Variants in TBCD observed in about 807,000 individuals in gnomAD.
TBCD encodes tubulin-specific chaperone D.
TBCD carries 105 observed loss-of-function variants against 169.3 expected under a neutral mutation model. That is an observed-to-expected ratio of 0.62 (90% CI 0.53 to 0.73). The LOEUF is 0.73. Among genes scored for constraint, TBCD ranks in the 30% least tolerant of loss-of-function variants. TBCD has a pLI of 0.00. For missense variants in TBCD, 1,444 were observed against 1,600.1 expected (o/e 0.90, Z 1.66); for synonymous variants, 700 against 643.9 (o/e 1.09, Z -1.32).
intron 13 of TBCD, among the ~76,000 whole-genome samples, chr17:82,843,992 T>G (rs2054774913): frequency 6.6e-6 from 1 of 151,632 alleles, no homozygotes; most frequent in South Asian, 2.1e-4. Flanking sequence ...CTTTCCTTTA[T>G]CCTCAGTAGT....
At chr17:82,877,565 C>T (rs932945940) in intron 14 of TBCD, among the ~76,000 whole-genome samples, 1 of 152,170 alleles carries the variant, frequency 6.6e-6, no homozygotes, top group Non-Finnish European at 1.5e-5. Flanking sequence ...TGTTCTCGAA[C>T]TCCTGATCTC....
At chr17:82,781,531 T>TGAGGC in intron 6 of TBCD, 58 bp from the exon 7 acceptor site, 1 of 1,596,458 alleles carries the variant, frequency 6.3e-7, no homozygotes, top group Non-Finnish European at 8.5e-7. Flanking sequence ...GGTGGGCTGG[T>TGAGGC]GAGGCGTGGG....
At position 82,752,355 on chromosome 17, in the gene TBCD, G is replaced by C; in HGVS notation, c.162G>C (p.Glu54Asp). ...TGCACGGCGGCGGCGCGGAGCGCGA[G>C]GTGGCCCTGGAGCGGTTCCGCGGTG... The part of the protein sequence containing the change: ...REVHGGGAER[E>D]VALERFRVIM... Residue 54 changes from glutamate (E) to aspartate (D), a missense_variant, in exon 1 of 39, where the codon GAG (glutamate) becomes GAC (aspartate). Transcript: ENST00000355528. The C allele has an allele frequency of 7.2e-7, 1 of 1,397,976 alleles. No individual in the cohort carries two copies. Among genetic ancestry groups the C allele is most frequent in the Non-Finnish European group, 9.2e-7 (1 of 1,088,694 alleles). The allele number at this position is 1,397,976 out of a possible 1,614,324, so 86.6% of individuals were successfully genotyped here. A position where few individuals can be genotyped will look rare whatever the true frequency, so the allele number is the denominator to read the frequency against.
chr17:82,795,018 C>A (rs750754047), intron 7 of TBCD, among the ~76,000 whole-genome samples: 16 of 152,184 alleles, frequency 1.1e-4, no homozygotes, highest in Non-Finnish European at 2.2e-4. Flanking sequence ...TGGGCTGGGC[C>A]TTTCCAGGTG....
rs574803294 is a variant in TBCD at position 82,847,136 on chromosome 17, G to C, written c.1319-23088G>C. 2.6e-5 allele frequency among the ~76,000 whole-genome samples: 4 copies of C among 152,132 alleles called. No homozygotes were observed. In the South Asian group the frequency reaches 6.2e-4, roughly 24 times the overall value. ...GGAGGCCAAGGTGGGCGGATCATGA[G>C]GTCAGGAGATCGAGACCATCTTGTC... is the stretch of plus-strand genomic sequence containing the variant. On this transcript the variant is annotated intron_variant, in intron 13 of 38. Transcript: ENST00000355528.
At chr17:82,937,192 C>T (rs760978325) in intron 34 of TBCD, 79 bp from the exon 35 acceptor site, 284 of 1,362,216 alleles carry the variant, frequency 2.1e-4, no homozygotes, top group Middle Eastern at 1.3e-3. Flanking sequence ...ACGGAGTTGA[C>T]CTTCTTTGAG....
intron 13 of TBCD, among the ~76,000 whole-genome samples, chr17:82,837,305 CTGTG>C (rs2054072851): frequency 6.6e-6 from 1 of 152,242 alleles, no homozygotes. Flanking sequence ...GAAATAGTCT[CTGTG>C]TGGTCAGTTT....
At chr17:82,883,436 G>C (rs946049907) in intron 14 of TBCD, among the ~76,000 whole-genome samples, 6 of 152,378 alleles carry the variant, frequency 3.9e-5, no homozygotes, top group Non-Finnish European at 7.3e-5. Flanking sequence ...AACTGAGCTG[G>C]GTGATCTCAC....
chr17:82,906,687 G>A (rs757852444), intron 20 of TBCD, among the ~76,000 whole-genome samples: 1 of 152,236 alleles, frequency 6.6e-6, no homozygotes, highest in Non-Finnish European at 1.5e-5. Flanking sequence ...TTTAAGAAAC[G>A]TTTTTAAGTT....
In TBCD at chr17:82,943,194, G is replaced by GTCTT. The variant is rs1568122260; in HGVS notation, c.*732_*735dup. The GTCTT allele has an allele frequency of 6.6e-6, 1 of 152,342 alleles. No individual in the cohort carries two copies. Among genetic ancestry groups the GTCTT allele is most frequent in the Admixed American group, 6.5e-5 (1 of 15,290 alleles). The allele number at this position is 152,342 out of a possible 1,614,324, so 9.4% of individuals were successfully genotyped here. On this transcript the variant is annotated 3_prime_UTR_variant, in exon 39 of 39. Coordinates refer to ENST00000355528, the MANE Select transcript of TBCD (RefSeq NM_005993.5). ...ATACCATTCTTGAAATAATTACACT[G>GTCTT]TCTTAGGAGAGCCTGGGCAGAGTCC...
chr17:82,860,429 A>G, intron 13 of TBCD: 1 of 985,494 alleles, frequency 1.0e-6, no homozygotes, highest in Admixed American at 6.1e-5. Flanking sequence ...AGGGGGACAG[A>G]CACAGGTGGA....
chr17:82,901,255 G>A (rs572313930), intron 18 of TBCD, among the ~76,000 whole-genome samples: 220 of 152,364 alleles, frequency 1.4e-3, no homozygotes, highest in African/African-American at 5.2e-3. Flanking sequence ...GCGCGTTAGT[G>A]CTGTGACCGC....
intron 13 of TBCD, among the ~76,000 whole-genome samples, chr17:82,836,393 A>C (rs1282135875): frequency 6.6e-6 from 1 of 152,262 alleles, no homozygotes; most frequent in African/African-American, 2.4e-5. Flanking sequence ...TGGAAGCATC[A>C]GGATCGAAAC....
intron 13 of TBCD, among the ~76,000 whole-genome samples, chr17:82,867,083 C>T (rs1392859781): frequency 1.3e-5 from 2 of 152,200 alleles, no homozygotes; most frequent in East Asian, 3.9e-4. Flanking sequence ...AGAGAACCAT[C>T]TTACACGGAC....
At position 82,806,135 on chromosome 17, in the gene TBCD, G is replaced by A. The variant is rs869228; in HGVS notation, c.1087+124G>A. On this transcript the variant is annotated intron_variant, in intron 10 of 38. Coordinates refer to ENST00000355528, the MANE Select transcript of TBCD (RefSeq NM_005993.5). This position sits in a 1 kb window ranked among gnomAD's most constrained non-coding sequence, Gnocchi z 5.1. ...CACTGTCTGGCCACCCGTCCCCTTC[G>A]CTGAGTGCACGGTCACTGCCCGTCC... The A allele has an allele frequency of 0.069, 92,097 of 1,335,974 alleles. 3,599 individuals carry two copies. Among genetic ancestry groups the A allele is most frequent in the Admixed American group, 0.15 (6,676 of 44,732 alleles). The allele number at this position is 1,335,974 out of a possible 1,614,324, so 82.8% of individuals were successfully genotyped here. A position where few individuals can be genotyped will look rare whatever the true frequency, so the allele number is the denominator to read the frequency against.
rs187093696 is a variant in TBCD, at chr17:82,893,269, C to T, written c.1564-278C>T. The T allele has an allele frequency of 1.1e-3, 510 of 464,720 alleles. 3 individuals carry two copies. Among genetic ancestry groups the T allele is most frequent in the Middle Eastern group, 1.7e-3 (3 of 1,720 alleles). 28.8% of individuals were successfully genotyped at this position (464,720 alleles called of 1,614,324 possible). ...TGTTTTCGGGAAAGGTCTCTTACCA[C>T]GTACCGAAGTGGAAATGTTTGAGTT... is the stretch of plus-strand genomic sequence containing the variant. On this transcript the variant is annotated intron_variant, in intron 16 of 38. Coordinates refer to ENST00000355528, the MANE Select transcript of TBCD (RefSeq NM_005993.5).
chr17:82,758,648 C>CTTTTTTTTTTTCT (rs2047573466), intron 2 of TBCD, among the ~76,000 whole-genome samples: 1 of 115,026 alleles, frequency 8.7e-6, no homozygotes, highest in African/African-American at 3.4e-5. Flanking sequence ...CACCCTTTTG[C>CTTTTTTTTTTTCT]TTTTTTTTTT....
rs2053558703 is a variant in TBCD, at chr17:82,831,980, G to A, written c.1318+17046G>A. On this transcript the variant is annotated intron_variant, in intron 13 of 38. Transcript: ENST00000355528. This position sits in a 1 kb window ranked among gnomAD's most constrained non-coding sequence, Gnocchi z 4.6. ...TCGCCGACTGGAACAAATGCAGAAG[G>A]CCGAGCTGCGCCTTCCAGAGCAGGC... 1.5e-5 allele frequency: 24 copies of A among 1,613,284 alleles called. No homozygotes were observed. The highest frequency in any genetic ancestry group is 1.9e-5 in the Non-Finnish European group (22 of 1,179,372).
chr17:82,844,010 T>G (rs1383016800), intron 13 of TBCD, among the ~76,000 whole-genome samples: 1 of 151,978 alleles, frequency 6.6e-6, no homozygotes, highest in East Asian at 1.9e-4. Context: ...AGTCTTAGTT[T>G]TCTTAACTTT....
Sources: allele counts gnomAD v4.1 joint callset (sites outside exome capture counted in the v4.1 genomes callset), GRCh38; gene constraint gnomAD v4.1.1; non-coding constraint Gnocchi (gnomAD v3.1); transcripts MANE v1.5; gene names NCBI Gene and HGNC (gene_info 2026-07-23, HGNC 2026-07-21).